CAMK2D: variants seen among roughly 807,000 people sequenced by gnomAD.
The protein encoded by CAMK2D is calcium/calmodulin dependent protein kinase II delta.
Under a neutral mutation model 84.0 loss-of-function variants are expected in CAMK2D, and 37 were observed. The ratio of observed to expected loss-of-function variants is 0.44; its 90% CI spans 0.34 to 0.58. The LOEUF (loss-of-function observed/expected upper bound fraction) is 0.58, where lower values mean the gene tolerates loss of function less well. CAMK2D is among the 20% of genes least tolerant of loss of function. The pLI, the probability that CAMK2D is intolerant of heterozygous loss-of-function variation, is 0.02. For missense variants in CAMK2D, 448 were observed against 652.5 expected, an observed-to-expected ratio of 0.69 and a Z score of 3.41; for synonymous variants, 202 against 212.5, an observed-to-expected ratio of 0.95 and a Z score of 0.43.
At chr4:113,635,128 T>C (rs2099105153) in intron 3 of CAMK2D, among the ~76,000 whole-genome samples, 1 of 152,238 alleles carries the variant, frequency 6.6e-6, no homozygotes, top group African/African-American at 2.4e-5. Flanking sequence ...CACTTTTTGC[T>C]GGGTTTTTAC....
At chr4:113,582,817 GTA>G (rs533827993) in intron 4 of CAMK2D, among the ~76,000 whole-genome samples, 2 of 152,320 alleles carry the variant, frequency 1.3e-5, no homozygotes, top group South Asian at 4.1e-4. Context: ...GCTTTAGACA[GTA>G]TCTGAATTTA....
At chr4:113,496,446 CTTT>C (rs543371495) in intron 16 of CAMK2D, among the ~76,000 whole-genome samples, 13 of 120,652 alleles carry the variant, frequency 1.1e-4, no homozygotes, top group Non-Finnish European at 1.6e-4. Flanking sequence ...CTCCCATTTG[CTTT>C]TTTTTTTTTT....
intron 2 of CAMK2D, chr4:113,754,160 T>C (rs2099623299): frequency 5.4e-6 from 5 of 921,504 alleles, no homozygotes; most frequent in East Asian, 1.2e-4. Flanking sequence ...TGTAGTTTAC[T>C]AGAAATACTA....
intron 2 of CAMK2D, among the ~76,000 whole-genome samples, chr4:113,666,356 T>C (rs926431069): frequency 6.6e-6 from 1 of 152,148 alleles, no homozygotes; most frequent in Non-Finnish European, 1.5e-5. Context: ...GAATGACATA[T>C]ATAAAAGAAT....
intron 6 of CAMK2D, among the ~76,000 whole-genome samples, chr4:113,544,290 G>T (rs189130531): frequency 9.2e-4 from 140 of 152,222 alleles, no homozygotes; most frequent in Non-Finnish European, 1.3e-3. Context: ...CCCATAGGCA[G>T]GACTATTTTA....
intron 12 of CAMK2D, among the ~76,000 whole-genome samples, chr4:113,510,535 C>T (rs2098197322): frequency 6.6e-6 from 1 of 152,020 alleles, no homozygotes; most frequent in African/African-American, 2.4e-5. Flanking sequence ...GTCACCCTTT[C>T]AGAAAAATCT....
At chr4:113,614,347 G>A (rs1028417704) in intron 3 of CAMK2D, among the ~76,000 whole-genome samples, 2 of 152,100 alleles carry the variant, frequency 1.3e-5, no homozygotes, top group Non-Finnish European at 2.9e-5. Context: ...GTGGACCCCA[G>A]TGGACTATGT....
intron 2 of CAMK2D, among the ~76,000 whole-genome samples, chr4:113,687,769 G>T (rs1389136385): frequency 6.6e-6 from 1 of 152,006 alleles, no homozygotes; most frequent in Non-Finnish European, 1.5e-5. Context: ...AAATACAAAT[G>T]GACTGTTTTT....
chr4:113,579,144 C>A (rs10461193), intron 4 of CAMK2D, among the ~76,000 whole-genome samples: 110,170 of 152,074 alleles, frequency 0.72, 40,195 homozygotes, highest in Middle Eastern at 0.78. Flanking sequence ...ATTCCACTGA[C>A]TGTTTTTGGA....
chr4:113,503,048 G>C (rs2098078514), intron 14 of CAMK2D, 71 bp from the exon 15 acceptor site: 2 of 1,033,316 alleles, frequency 1.9e-6, no homozygotes, highest in South Asian at 1.3e-5. Flanking sequence ...GTGAAGGACA[G>C]AGCAGAGTGA....
At chr4:113,707,010 C>G (rs2099460573) in intron 2 of CAMK2D, among the ~76,000 whole-genome samples, 1 of 151,730 alleles carries the variant, frequency 6.6e-6, no homozygotes, top group Non-Finnish European at 1.5e-5. Flanking sequence ...ATATAAGACA[C>G]AGCATACAAG....
At chr4:113,568,303 T>C (rs1248126105) in intron 4 of CAMK2D, among the ~76,000 whole-genome samples, 1 of 152,204 alleles carries the variant, frequency 6.6e-6, no homozygotes, top group Non-Finnish European at 1.5e-5. Flanking sequence ...ATTCTAATTA[T>C]TTCATATAAG....
chr4:113,657,814 C>T (rs1264100668), intron 3 of CAMK2D, among the ~76,000 whole-genome samples: 1 of 152,138 alleles, frequency 6.6e-6, no homozygotes. Context: ...GAAACAAGCA[C>T]ATTTTCACAG....
chr4:113,646,958 C>G (rs1470596054), intron 3 of CAMK2D, among the ~76,000 whole-genome samples: 1 of 152,160 alleles, frequency 6.6e-6, no homozygotes, highest in Non-Finnish European at 1.5e-5. Flanking sequence ...TATTTATTAT[C>G]TCAAAAAATA....
intron 6 of CAMK2D, 49 bp downstream of exon 6, chr4:113,547,595 G>T: frequency 2.5e-6 from 3 of 1,216,142 alleles, no homozygotes; most frequent in Non-Finnish European, 3.5e-6. Flanking sequence ...CAGCTGAACA[G>T]TCATTAGGAA....
chr4:113,516,903 T>C (rs2098292118), intron 9 of CAMK2D, among the ~76,000 whole-genome samples: 1 of 152,162 alleles, frequency 6.6e-6, no homozygotes, highest in South Asian at 2.1e-4. Flanking sequence ...GAGCAAATTA[T>C]ATCATAAACA....
intron 9 of CAMK2D, among the ~76,000 whole-genome samples, chr4:113,515,781 A>AT (rs1165016834): frequency 1.3e-5 from 2 of 152,216 alleles, no homozygotes; most frequent in Non-Finnish European, 2.9e-5. Context: ...GCAAGATTTC[A>AT]TTTTAACCCT....
At chr4:113,549,569 T>C (rs1201998703) in intron 5 of CAMK2D, among the ~76,000 whole-genome samples, 1 of 152,184 alleles carries the variant, frequency 6.6e-6, no homozygotes, top group Non-Finnish European at 1.5e-5. Context: ...GAAATCCTTG[T>C]TTGGCACCTA....
At chr4:113,645,850 A>T (rs2099149732) in intron 3 of CAMK2D, among the ~76,000 whole-genome samples, 1 of 152,158 alleles carries the variant, frequency 6.6e-6, no homozygotes, top group South Asian at 2.1e-4. Context: ...AGCCCCTCAC[A>T]CTCCTGACAA....
Sources: gnomAD v4.1 joint callset for allele counts (sites outside exome capture counted in the v4.1 genomes callset) on GRCh38, gnomAD v4.1.1 for gene constraint, MANE v1.5 for transcripts, NCBI Gene and HGNC (gene_info 2026-07-23, HGNC 2026-07-21) for gene names.